GAS2: variants seen among roughly 807,000 people sequenced by gnomAD.
GAS2 encodes the protein growth arrest specific 2.
GAS2 carries 20 observed loss-of-function variants against 37.5 expected under a neutral mutation model. That is an observed-to-expected ratio of 0.53 (90% CI 0.37 to 0.77). The LOEUF (loss-of-function observed/expected upper bound fraction) is 0.77. GAS2 is among the 30% of genes least tolerant of loss of function. GAS2 has a pLI of 0.00. For synonymous variants in GAS2, 144 were observed against 132.2 expected, an observed-to-expected ratio of 1.09 and a Z score of -0.61; for missense variants, 336 against 373.4, an observed-to-expected ratio of 0.90 and a Z score of 0.82.
intron 3 of GAS2, among the ~76,000 whole-genome samples, chr11:22,687,479 C>A (rs1850020465): frequency 6.6e-6 from 1 of 152,116 alleles, no homozygotes; most frequent in Admixed American, 6.6e-5. Flanking sequence ...CCATTAATTT[C>A]TTTTAATTTT....
chr11:22,655,684 GC>G (rs1350008699), intron 1 of GAS2, among the ~76,000 whole-genome samples: 1 of 152,114 alleles, frequency 6.6e-6, no homozygotes, highest in Admixed American at 6.5e-5. Flanking sequence ...TATAAAATCT[GC>G]CTCAATGAAA....
At position 22,708,447 on chromosome 11, in the gene GAS2, T is replaced by C. The variant is rs575044005; in HGVS notation, c.268-17845T>C. Reference sequence around the variant, plus strand: ...TTTCAAGAACTTCTGTTTAATCTTATATAACCCTCATAGCAACGTCATGAT... The same window carrying C: ...TTTCAAGAACTTCTGTTTAATCTTACATAACCCTCATAGCAACGTCATGAT... On this transcript the variant is annotated intron_variant, in intron 3 of 7. Coordinates refer to ENST00000454584, the MANE Select transcript of GAS2 (RefSeq NM_001143830.3). 2.0e-5 allele frequency among the ~76,000 whole-genome samples: 3 copies of C among 152,270 alleles called. No individual in the cohort carries two copies. The East Asian group carries it at 5.8e-4, about 29-fold the overall frequency.
chr11:22,713,044 T>A (rs398564), intron 3 of GAS2, among the ~76,000 whole-genome samples: 130,002 of 146,644 alleles, frequency 0.89, 59,522 homozygotes, highest in East Asian at 1. Context: ...GCCAGCCTGA[T>A]CAGCAGGGTG....
intron 7 of GAS2, among the ~76,000 whole-genome samples, chr11:22,808,199 T>C (rs1027608292): frequency 1.9e-4 from 29 of 152,214 alleles, no homozygotes; most frequent in South Asian, 8.3e-4. Flanking sequence ...CTCCTCCAAC[T>C]ATAGCTCTTA....
chr11:22,679,558 A>T (rs891996961), intron 2 of GAS2, among the ~76,000 whole-genome samples: 1 of 152,086 alleles, frequency 6.6e-6, no homozygotes, highest in Non-Finnish European at 1.5e-5. Context: ...ATAATTATTG[A>T]TGGACTTTTT....
At chr11:22,747,850 G>A (rs1265758995) in intron 5 of GAS2, among the ~76,000 whole-genome samples, 2 of 152,072 alleles carry the variant, frequency 1.3e-5, no homozygotes, top group East Asian at 1.9e-4. Flanking sequence ...AGAAAAGCCA[G>A]GAATAAAACT....
intron 6 of GAS2, among the ~76,000 whole-genome samples, chr11:22,752,028 G>A (rs1156257163): frequency 1.3e-5 from 2 of 152,022 alleles, no homozygotes; most frequent in Non-Finnish European, 2.9e-5. Flanking sequence ...AATATACAAT[G>A]TGGATATTTC....
At position 22,800,831 on chromosome 11, in the gene GAS2, T is replaced by A. The variant is rs1298178877; in HGVS notation, c.724-10967T>A. On this transcript the variant is annotated intron_variant, in intron 7 of 7. Coordinates refer to ENST00000454584, the MANE Select transcript of GAS2 (RefSeq NM_001143830.3). ...ATTTAAAATTCTCATTGAAAAGACA[T>A]TTCCTGTTGGGTAGTTTTTATTTTT... is the stretch of plus-strand genomic sequence containing the variant. 2.0e-5 allele frequency among the ~76,000 whole-genome samples: 3 copies of A among 152,124 alleles called. No individual in the cohort carries two copies. The East Asian group carries it at 5.8e-4, about 29-fold the overall frequency.
At chr11:22,627,297 A>G (rs4442551) in intron 1 of GAS2, among the ~76,000 whole-genome samples, 24,626 of 152,260 alleles carry the variant, frequency 0.16, 2,348 homozygotes, top group East Asian at 0.29. Flanking sequence ...ATTATGATAC[A>G]TAGTATGAGG....
intron 7 of GAS2, among the ~76,000 whole-genome samples, chr11:22,789,335 C>CAA (rs1179622330): frequency 7.7e-6 from 1 of 130,390 alleles, no homozygotes; most frequent in Non-Finnish European, 1.6e-5. Context: ...CACACACAAA[C>CAA]ACACACACAC....
chr11:22,774,824 C>T (rs1283809051), intron 7 of GAS2, among the ~76,000 whole-genome samples: 3 of 151,566 alleles, frequency 2.0e-5, no homozygotes, highest in Non-Finnish European at 4.4e-5. Flanking sequence ...AGGGTATCTG[C>T]AGAAAGTCAT....
chr11:22,718,948 C>G (rs546503789), intron 3 of GAS2, among the ~76,000 whole-genome samples: 3 of 152,006 alleles, frequency 2.0e-5, no homozygotes, highest in Non-Finnish European at 2.9e-5. Flanking sequence ...TGTCAAACTT[C>G]CTATACTTTC....
intron 7 of GAS2, among the ~76,000 whole-genome samples, chr11:22,792,215 A>G (rs181985911): frequency 1.4e-3 from 211 of 152,348 alleles, no homozygotes; most frequent in African/African-American, 4.8e-3. Context: ...AAGTAGTTCT[A>G]GTATGCCAGC....
At chr11:22,656,906 T>C (rs1565069049) in intron 1 of GAS2, among the ~76,000 whole-genome samples, 1 of 152,338 alleles carries the variant, frequency 6.6e-6, no homozygotes, top group South Asian at 2.1e-4. Context: ...GTCATTTCTT[T>C]AGCTTTAACT....
At chr11:22,744,264 T>C (rs1040895963) in intron 5 of GAS2, among the ~76,000 whole-genome samples, 4 of 151,936 alleles carry the variant, frequency 2.6e-5, no homozygotes, top group Non-Finnish European at 5.9e-5. Flanking sequence ...ATTCCAAAAT[T>C]TAAGGAATAG....
chr11:22,648,197 T>C (rs1848727351), intron 1 of GAS2, among the ~76,000 whole-genome samples: 1 of 151,844 alleles, frequency 6.6e-6, no homozygotes, highest in Non-Finnish European at 1.5e-5. Flanking sequence ...TCCCCATTGC[T>C]TGTTTTTCTC....
intron 1 of GAS2, among the ~76,000 whole-genome samples, chr11:22,657,227 C>G (rs1263741054): frequency 2.6e-5 from 4 of 152,172 alleles, no homozygotes; most frequent in African/African-American, 9.6e-5. Flanking sequence ...CTCTTTGTTA[C>G]CTCTCCAAGT....
chr11:22,687,906 C>T (rs994166913), intron 3 of GAS2, among the ~76,000 whole-genome samples: 1 of 152,128 alleles, frequency 6.6e-6, no homozygotes, highest in African/African-American at 2.4e-5. Flanking sequence ...GATGGAGAGC[C>T]GAATGCCTCA....
At chr11:22,765,365 G>T (rs1854630713) in intron 7 of GAS2, among the ~76,000 whole-genome samples, 1 of 152,118 alleles carries the variant, frequency 6.6e-6, no homozygotes, top group Admixed American at 6.5e-5. Context: ...ATCTCAGGTT[G>T]ATTTTTCTAC....
Sources: allele counts gnomAD v4.1 joint callset (sites outside exome capture counted in the v4.1 genomes callset), GRCh38; gene constraint gnomAD v4.1.1; transcripts MANE v1.5; gene names NCBI Gene and HGNC (gene_info 2026-07-23, HGNC 2026-07-21).